Variants in TMEM117 observed in about 807,000 individuals in gnomAD.
The protein encoded by TMEM117 is transmembrane protein 117.
Under a neutral mutation model 52.4 loss-of-function variants are expected in TMEM117, and 27 were observed. The observed-to-expected ratio is 0.51, with a 90% CI of 0.38 to 0.71. TMEM117 has a LOEUF of 0.71. TMEM117 is among the 30% of genes least tolerant of loss of function. The probability of loss-of-function intolerance (pLI) is 0.00; values close to 1 mark genes in which losing one functional copy is unlikely to be tolerated. For missense variants in TMEM117, 556 were observed against 630.5 expected (o/e 0.88, Z 1.26); for synonymous variants, 215 against 206.3 (o/e 1.04, Z -0.36).
intron 6 of TMEM117, among the ~76,000 whole-genome samples, chr12:44,359,080 G>A (rs756449548): frequency 6.6e-6 from 1 of 151,964 alleles, no homozygotes; most frequent in African/African-American, 2.4e-5. Flanking sequence ...ACCCAGAGCT[G>A]AAAAGGAATT....
the TMEM117 span, among the ~76,000 whole-genome samples, chr12:43,807,459 A>C: frequency 1.1e-4 from 17 of 152,324 alleles, no homozygotes; most frequent in African/African-American, 3.6e-4. Flanking sequence ...GTATGGATTT[A>C]AGAAATGTAG....
downstream of TMEM117, chr12:44,389,840 G>T (rs1460046130): frequency 3.9e-5 from 6 of 151,996 alleles, no homozygotes; most frequent in Admixed American, 1.3e-4. Context: ...ATAGCTTGAT[G>T]CCAGGCAAGT....
chr12:44,056,407 A>G (rs1254061471), intron 3 of TMEM117, among the ~76,000 whole-genome samples: 1 of 152,200 alleles, frequency 6.6e-6, no homozygotes, highest in African/African-American at 2.4e-5. Flanking sequence ...GGTGCTCCCA[A>G]TAAAAACTTT....
At chr12:44,025,288 C>T (rs762142279) in intron 3 of TMEM117, among the ~76,000 whole-genome samples, 6 of 152,214 alleles carry the variant, frequency 3.9e-5, no homozygotes, top group Admixed American at 2.0e-4. Flanking sequence ...CCATACGCAG[C>T]GGGTGTGCAG....
At chr12:43,945,121 A>ATAAATAAATAAATAAC (rs1421082166) in intron 3 of TMEM117, among the ~76,000 whole-genome samples, 8 of 151,550 alleles carry the variant, frequency 5.3e-5, no homozygotes, top group African/African-American at 1.7e-4. Flanking sequence ...AAATAAATAA[A>ATAAATAAATAAATAAC]TAAATAAATA....
At chr12:44,208,401 A>C (rs966866929) in intron 4 of TMEM117, among the ~76,000 whole-genome samples, 4 of 152,120 alleles carry the variant, frequency 2.6e-5, no homozygotes, top group African/African-American at 9.7e-5. Context: ...TGCAATTTCA[A>C]ATTCTAATAC....
At position 44,062,513 on chromosome 12, in the gene TMEM117, A is replaced by C. The variant is rs566565581; in HGVS notation, c.411-81012A>C. On this transcript the variant is annotated intron_variant, in intron 3 of 7. Coordinates refer to ENST00000266534, the MANE Select transcript of TMEM117 (RefSeq NM_032256.3). ...TTGGTGGAATAGTCCAAATATGATT[A>C]ATTTTCCCATTAACTGGTTTAGAAT... 5.9e-5 allele frequency among the ~76,000 whole-genome samples: 9 copies of C among 152,344 alleles called. No homozygotes were observed. In the East Asian group the frequency reaches 1.3e-3, roughly 23 times the overall value.
At chr12:43,893,592 A>C (rs1944146709) in intron 2 of TMEM117, among the ~76,000 whole-genome samples, 1 of 152,140 alleles carries the variant, frequency 6.6e-6, no homozygotes, top group Admixed American at 6.6e-5. Flanking sequence ...TTATATACTC[A>C]ATTCTCTTTG....
At chr12:43,919,543 A>G (rs1438819164) in intron 2 of TMEM117, among the ~76,000 whole-genome samples, 1 of 152,080 alleles carries the variant, frequency 6.6e-6, no homozygotes, top group African/African-American at 2.4e-5. Context: ...TATCGTATCA[A>G]TTTCTCTGTC....
chr12:43,809,733 A>T, the TMEM117 span, among the ~76,000 whole-genome samples: 1 of 152,234 alleles, frequency 6.6e-6, no homozygotes, highest in South Asian at 2.1e-4. Context: ...TTTATAAAGC[A>T]TTAAATAAGA....
intron 3 of TMEM117, among the ~76,000 whole-genome samples, chr12:43,985,608 A>G (rs1436748201): frequency 1.3e-5 from 2 of 152,196 alleles, no homozygotes; most frequent in South Asian, 2.1e-4. Context: ...TGTGTATGGA[A>G]CATTGTTTTG....
At chr12:43,808,812 GAA>G in the TMEM117 span, among the ~76,000 whole-genome samples, 5,043 of 80,860 alleles carry the variant, frequency 0.062, 289 homozygotes, top group African/African-American at 0.19. Context: ...TCAAAGGGGA[GAA>G]AAAAAAAAAA....
At chr12:44,215,984 CCTTTCTTT>C (rs202099319) in intron 5 of TMEM117, among the ~76,000 whole-genome samples, 1 of 143,880 alleles carries the variant, frequency 7.0e-6, no homozygotes, top group Non-Finnish European at 1.5e-5. Context: ...GAAAGGAGCT[CCTTTCTTT>C]CTTTCTTTCT....
Position 44,090,865 on chromosome 12 carries a change from T to G in TMEM117, c.411-52660T>G, listed in dbSNP as rs571545157. 5.4e-5 allele frequency among the ~76,000 whole-genome samples: 8 copies of G among 147,840 alleles called. No individual in the cohort carries two copies. The East Asian group carries it at 1.5e-3, about 29-fold the overall frequency. Reference sequence around the variant, plus strand: ...TTTTTTTTTGTTTTTTTTTTTTTTTTGCTGAGTGCAGGCATCACCTCTTGC... The same window carrying G: ...TTTTTTTTTGTTTTTTTTTTTTTTTGGCTGAGTGCAGGCATCACCTCTTGC... On this transcript the variant is annotated intron_variant, in intron 3 of 7. Transcript: ENST00000266534.
chr12:44,342,879 G>A (rs553914765), intron 6 of TMEM117, among the ~76,000 whole-genome samples: 1 of 151,708 alleles, frequency 6.6e-6, no homozygotes, highest in African/African-American at 2.4e-5. Flanking sequence ...TTTTGTTTTT[G>A]TTTCTGAGAC....
intron 3 of TMEM117, among the ~76,000 whole-genome samples, chr12:43,971,917 C>T (rs917144921): frequency 7.2e-5 from 11 of 152,224 alleles, no homozygotes; most frequent in Non-Finnish European, 1.3e-4. Flanking sequence ...TTCCCCATCC[C>T]TCCAGCCCCT....
chr12:43,965,483 T>TA (rs1167817454), intron 3 of TMEM117, among the ~76,000 whole-genome samples: 1 of 152,160 alleles, frequency 6.6e-6, no homozygotes, highest in Admixed American at 6.5e-5. Context: ...CTGTCTCTCT[T>TA]AGAGTTACCC....
intron 2 of TMEM117, among the ~76,000 whole-genome samples, chr12:43,927,580 T>A (rs553267625): frequency 5.9e-4 from 90 of 152,066 alleles, no homozygotes; most frequent in Non-Finnish European, 2.7e-4. Flanking sequence ...TGAATCTATC[T>A]TATTTATATA....
At chr12:44,211,865 T>C (rs764830877) in intron 5 of TMEM117, among the ~76,000 whole-genome samples, 3 of 152,188 alleles carry the variant, frequency 2.0e-5, no homozygotes, top group Non-Finnish European at 2.9e-5. Flanking sequence ...TAAAAAACAA[T>C]CCATGTCTTA....
Sources: allele counts gnomAD v4.1 joint callset (sites outside exome capture counted in the v4.1 genomes callset), GRCh38; gene constraint gnomAD v4.1.1; transcripts MANE v1.5; gene names NCBI Gene and HGNC (gene_info 2026-07-23, HGNC 2026-07-21).